Variants in MOB4 observed in about 807,000 individuals in gnomAD.
The protein encoded by MOB4 is MOB family member 4, phocein.
In MOB4, 4 loss-of-function variants were observed where a neutral mutation model predicts 32.2. That is an observed-to-expected ratio of 0.12 (90% CI 0.06 to 0.28). MOB4 has a LOEUF of 0.28. MOB4 is among the 10% of genes least tolerant of loss of function. MOB4 has a pLI of 1.00. For synonymous variants in MOB4, 88 were observed against 88.1 expected, an observed-to-expected ratio of 1.00 and a Z score of 0.01; for missense variants, 158 against 271.2, an observed-to-expected ratio of 0.58 and a Z score of 2.93.
Position 197,551,244 on chromosome 2 carries a change from A to G in MOB4, c.*598A>G, listed in dbSNP as rs890276018. 1 of 152,482 alleles carries G rather than the reference A, an allele frequency of 6.6e-6. No homozygotes were observed. The highest frequency in any genetic ancestry group is 1.5e-5 in the Non-Finnish European group (1 of 68,034). 9.4% of individuals were successfully genotyped at this position (152,482 alleles called of 1,614,324 possible). A position where few individuals can be genotyped will look rare whatever the true frequency, so the allele number is the denominator to read the frequency against. On this transcript the variant is annotated 3_prime_UTR_variant, in exon 8 of 8. Transcript: ENST00000323303. The stretch of plus-strand genomic sequence containing the variant: ...TTTACTGTGCTACATAAAGTATAAC[A>G]TACTTGGAAAGGATTTACCGTTCTG...
intron 6 of MOB4, 63 bp downstream of exon 6, chr2:197,548,478 T>G: frequency 2.5e-5 from 4 of 162,708 alleles, no homozygotes; most frequent in East Asian, 2.1e-4. Flanking sequence ...ATTGGTATTT[T>G]AGGGGGGAGG....
chr2:197,525,004 T>C (rs1324402323), intron 2 of MOB4, among the ~76,000 whole-genome samples: 5 of 152,106 alleles, frequency 3.3e-5, no homozygotes, highest in African/African-American at 1.2e-4. Flanking sequence ...AGGGAAAATA[T>C]ACCATAAATC....
chr2:197,526,559 A>C lies in MOB4; in HGVS notation c.123+2873A>C, dbSNP rs527717816. 6.2e-4 allele frequency among the ~76,000 whole-genome samples: 95 copies of C among 152,184 alleles called. 1 individual carries two copies. Among genetic ancestry groups the C allele is most frequent in the African/African-American group, 2.2e-3 (92 of 41,530 alleles). On this transcript the variant is annotated intron_variant, in intron 2 of 7. Coordinates refer to ENST00000323303, the MANE Select transcript of MOB4 (RefSeq NM_015387.5). The stretch of plus-strand genomic sequence containing the variant: ...TCTTGAACTCCAGACCTCGTGATCT[A>C]CCTGCCTTGGCTTCCCAAAGTGCTG...
chr2:197,531,133 C>T (rs887353560), intron 2 of MOB4, among the ~76,000 whole-genome samples: 9 of 150,324 alleles, frequency 6.0e-5, no homozygotes, highest in African/African-American at 7.3e-5. Flanking sequence ...CTGCAAGCTC[C>T]GCCTCCCAGG....
At chr2:197,519,931 T>C (rs916819842) in intron 1 of MOB4, among the ~76,000 whole-genome samples, 1 of 152,204 alleles carries the variant, frequency 6.6e-6, no homozygotes, top group African/African-American at 2.4e-5. Flanking sequence ...TAGAAGATTG[T>C]TTTATTTCTT....
At chr2:197,530,060 C>G (rs911188940) in intron 2 of MOB4, among the ~76,000 whole-genome samples, 5 of 150,006 alleles carry the variant, frequency 3.3e-5, no homozygotes, top group Admixed American at 6.6e-5. Context: ...ATCCCCACCC[C>G]CTGGGTTCAA....
intron 3 of MOB4, among the ~76,000 whole-genome samples, chr2:197,539,610 G>A (rs982262339): frequency 2.0e-5 from 3 of 152,020 alleles, no homozygotes; most frequent in East Asian, 3.9e-4. Context: ...GAGCCACTGC[G>A]CCCTGCTGTA....
intron 2 of MOB4, among the ~76,000 whole-genome samples, chr2:197,529,443 C>G (rs1044579587): frequency 6.6e-6 from 1 of 151,784 alleles, no homozygotes; most frequent in Admixed American, 6.6e-5. Context: ...CCTCCACCTC[C>G]TGGGTTCAAT....
chr2:197,515,837 G>C, upstream of MOB4: 8 of 534,148 alleles, frequency 1.5e-5, no homozygotes, highest in South Asian at 1.8e-4. Flanking sequence ...CTCGCAAAGA[G>C]GCTCGTGGCG....
chr2:197,548,690 A>AT (rs879331078), intron 6 of MOB4, among the ~76,000 whole-genome samples: 145 of 146,228 alleles, frequency 9.9e-4, no homozygotes, highest in African/African-American at 3.2e-3. Context: ...GCATTTTTGT[A>AT]TTTTTTTTTT....
At chr2:197,520,162 A>G (rs565405131) in intron 1 of MOB4, among the ~76,000 whole-genome samples, 12 of 151,414 alleles carry the variant, frequency 7.9e-5, no homozygotes, top group Admixed American at 3.3e-4. Context: ...CATTATATCC[A>G]TAAGTATGCC....
chr2:197,538,877 T>A (rs2086848617), intron 3 of MOB4, among the ~76,000 whole-genome samples: 1 of 152,184 alleles, frequency 6.6e-6, no homozygotes, highest in African/African-American at 2.4e-5. Flanking sequence ...TTAGAAATAA[T>A]GTTATTTTTG....
chr2:197,535,356 G>A (rs2086780014), intron 2 of MOB4, among the ~76,000 whole-genome samples, 174 bp from the exon 3 acceptor site: 1 of 152,016 alleles, frequency 6.6e-6, no homozygotes, highest in African/African-American at 2.4e-5. Flanking sequence ...ATAAGTAAGG[G>A]TAACCTACTT....
chr2:197,549,859 T>TAAAAAA (rs573507195), intron 6 of MOB4, among the ~76,000 whole-genome samples: 3 of 85,090 alleles, frequency 3.5e-5, no homozygotes, highest in African/African-American at 8.4e-5. Flanking sequence ...CCTTAATTTC[T>TAAAAAA]AAAAAAAAAA....
chr2:197,516,197 G>A, intron 1 of MOB4, 51 bp downstream of exon 1: 3 of 1,553,370 alleles, frequency 1.9e-6, no homozygotes, highest in Non-Finnish European at 2.6e-6. Flanking sequence ...GAGCAGTGCT[G>A]CGCCCGGAAG....
intron 1 of MOB4, among the ~76,000 whole-genome samples, chr2:197,518,562 GT>G (rs1008128065): frequency 2.3e-4 from 33 of 142,698 alleles, no homozygotes; most frequent in Non-Finnish European, 2.6e-4. Flanking sequence ...GCACCTGGAG[GT>G]TTTTTTTTTT....
chr2:197,516,005 G>T, upstream of MOB4: 2 of 1,427,370 alleles, frequency 1.4e-6, no homozygotes, highest in Admixed American at 4.3e-5. Flanking sequence ...CCCAGACGCA[G>T]AGCGCCGCTC....
chr2:197,515,722 G>C (rs995532248), upstream of MOB4: 1 of 286,306 alleles, frequency 3.5e-6, no homozygotes, highest in Non-Finnish European at 6.6e-6. Context: ...TACGAAGTTC[G>C]TTCTTCCCGT....
chr2:197,532,259 A>G (rs531626515), intron 2 of MOB4, among the ~76,000 whole-genome samples: 1 of 152,294 alleles, frequency 6.6e-6, no homozygotes, highest in Admixed American at 6.5e-5. Flanking sequence ...TTTTTGCTTT[A>G]TATAAATTGG....
Sources: allele counts gnomAD v4.1 joint callset (sites outside exome capture counted in the v4.1 genomes callset), GRCh38; gene constraint gnomAD v4.1.1; transcripts MANE v1.5; gene names NCBI Gene and HGNC (gene_info 2026-07-23, HGNC 2026-07-21).